NEMP2: variants seen among roughly 807,000 people sequenced by gnomAD.
The protein encoded by NEMP2 is nuclear envelope integral membrane protein 2.
A neutral mutation model predicts 54.2 loss-of-function variants in NEMP2; 53 were observed. The observed-to-expected ratio is 0.98, with a 90% confidence interval of 0.78 to 1.23. The LOEUF is 1.23. Ranked by LOEUF, NEMP2 falls within the 50% of genes most tolerant of loss-of-function variation. The pLI is 0.00. For missense variants in NEMP2, 455 were observed against 511.3 expected (o/e 0.89, Z 1.06); for synonymous variants, 197 against 190.3 (o/e 1.04, Z -0.29).
Position 190,528,252 on chromosome 2 carries a change from T to C in NEMP2, c.98-2874A>G, listed in dbSNP as rs560265770. ...AAGAAGAATGTCAAGGAATGTAGTA[T>C]ATAACCTGGAAGATCCTGAGCAACT... On this transcript the variant is annotated intron_variant, in intron 1 of 8. Transcript: ENST00000409150. The surrounding 1 kb of genome is among the most constrained non-coding windows in gnomAD (Gnocchi z 4.3). Among the ~76,000 whole-genome samples the C allele has an allele frequency of 9.2e-5, 14 of 152,260 alleles. No individual in the cohort carries two copies. In the South Asian group the frequency reaches 1.9e-3, roughly 20 times the overall value.
At position 190,517,518 on chromosome 2, in the gene NEMP2, A is replaced by G. The variant is rs1456499444; in HGVS notation, c.612+2T>C. ...TTACTCATTTTCACATAGTATGCCT[A>G]CCTTCGGAATGAATCTTTTCACCAA... On this transcript the variant is annotated splice_donor_variant, in intron 5 of 8. Transcript: ENST00000409150. LOFTEE classifies it high-confidence loss of function. 3.9e-6 allele frequency: 6 copies of G among 1,545,258 alleles called. No homozygotes were observed. Among genetic ancestry groups the G allele is most frequent in the South Asian group, 3.6e-5 (3 of 82,900 alleles).
rs969030577 is a variant in NEMP2 at position 190,509,725 on chromosome 2, G to A, written c.1131-413C>T. Among the ~76,000 whole-genome samples the A allele has an allele frequency of 2.6e-5, 4 of 152,218 alleles. No homozygotes were observed. The highest frequency in any genetic ancestry group is 4.4e-5 in the Non-Finnish European group (3 of 68,042). The stretch of plus-strand genomic sequence containing the variant: ...AATAAGGAAAAATTTTGGGACAGAC[G>A]TCTTTCTTAGTGAACTTTAAAAATG... On this transcript the variant is annotated intron_variant, in intron 8 of 8. Transcript: ENST00000409150. The surrounding 1 kb of genome is among the most constrained non-coding windows in gnomAD (Gnocchi z 6.1).
upstream of NEMP2, chr2:190,534,760 G>T: frequency 1.2e-6 from 1 of 859,444 alleles, no homozygotes; most frequent in Non-Finnish European, 1.5e-6. Flanking sequence ...GGGCGGTGAG[G>T]CCCGAACGCG....
the NEMP2 span, among the ~76,000 whole-genome samples, chr2:190,644,772 G>C: frequency 6.6e-6 from 1 of 152,126 alleles, no homozygotes; most frequent in Admixed American, 6.5e-5. The surrounding 1 kb of genome is among the most constrained non-coding windows in gnomAD (Gnocchi z 4.4). Flanking sequence ...GACGGAGAGA[G>C]GCAGAAAAGA....
chr2:190,548,190 T>C, the NEMP2 span, among the ~76,000 whole-genome samples: 1 of 152,230 alleles, frequency 6.6e-6, no homozygotes, highest in Non-Finnish European at 1.5e-5. Flanking sequence ...CATGTTCATA[T>C]ATCTTGGCAT....
chr2:190,610,330 T>C, the NEMP2 span: 1 of 152,230 alleles, frequency 6.6e-6, no homozygotes, highest in Non-Finnish European at 1.5e-5. The surrounding 1 kb of genome is among the most constrained non-coding windows in gnomAD (Gnocchi z 5.4). Context: ...TGAGACCTTT[T>C]TAAAGCCAAG....
the NEMP2 span, among the ~76,000 whole-genome samples, chr2:190,479,640 G>T: frequency 1.3e-5 from 2 of 152,170 alleles, no homozygotes; most frequent in Admixed American, 1.3e-4. Context: ...AGAGATGAGT[G>T]TTAGTGTTAG....
upstream of NEMP2, among the ~76,000 whole-genome samples, chr2:190,535,425 T>G (rs1454094260): frequency 6.6e-6 from 1 of 152,164 alleles, no homozygotes; most frequent in Non-Finnish European, 1.5e-5. Context: ...TATTTTTAAA[T>G]TAACATATAA....
chr2:190,530,824 T>A lies in NEMP2; in HGVS notation c.97+3735A>T, dbSNP rs959928450. Among the ~76,000 whole-genome samples, 1 of 152,190 alleles carries A rather than the reference T, an allele frequency of 6.6e-6. No homozygotes were observed. Among genetic ancestry groups the A allele is most frequent in the African/African-American group, 2.4e-5 (1 of 41,450 alleles). On this transcript the variant is annotated intron_variant, in intron 1 of 8. Coordinates refer to ENST00000409150, the MANE Select transcript of NEMP2 (RefSeq NM_001142645.2). The surrounding 1 kb of genome is among the most constrained non-coding windows in gnomAD (Gnocchi z 4.6). ...CCCAGTTATTGCTGGTTAATTCTAC[T>A]AGGATAGAACCTCCGGTAGCAGATG...
At chr2:190,592,783 C>A in the NEMP2 span, among the ~76,000 whole-genome samples, 4 of 152,076 alleles carry the variant, frequency 2.6e-5, no homozygotes, top group African/African-American at 9.7e-5. The surrounding 1 kb of genome is among the most constrained non-coding windows in gnomAD (Gnocchi z 4.4). Context: ...ACAGATGGAG[C>A]AATAAAGCCT....
chr2:190,470,322 G>A, the NEMP2 span, among the ~76,000 whole-genome samples: 1 of 152,122 alleles, frequency 6.6e-6, no homozygotes, highest in Non-Finnish European at 1.5e-5. Flanking sequence ...CCACACCGTT[G>A]TTTTTCCATG....
chr2:190,478,272 G>A, the NEMP2 span, among the ~76,000 whole-genome samples: 1 of 152,172 alleles, frequency 6.6e-6, no homozygotes, highest in Non-Finnish European at 1.5e-5. Context: ...CAGCCTCCTA[G>A]TGCAACAGAG....
At chr2:190,432,001 A>G in the NEMP2 span, among the ~76,000 whole-genome samples, 1 of 148,818 alleles carries the variant, frequency 6.7e-6, no homozygotes, top group South Asian at 2.1e-4. Flanking sequence ...TTGGCTTCTG[A>G]TTTCTCTGGA....
the NEMP2 span, among the ~76,000 whole-genome samples, chr2:190,560,974 T>C: frequency 1.3e-5 from 2 of 152,228 alleles, no homozygotes; most frequent in African/African-American, 4.8e-5. This position sits in a 1 kb window ranked among gnomAD's most constrained non-coding sequence, Gnocchi z 5.4. Flanking sequence ...CATTTATGTT[T>C]TGAGAAATAC....
the NEMP2 span, among the ~76,000 whole-genome samples, chr2:190,633,703 T>C: frequency 6.6e-6 from 1 of 152,194 alleles, no homozygotes; most frequent in Non-Finnish European, 1.5e-5. Context: ...AAAAAACACA[T>C]GTGTGTACCT....
chr2:190,605,357 T>A, the NEMP2 span, among the ~76,000 whole-genome samples: 10 of 150,612 alleles, frequency 6.6e-5, no homozygotes, highest in Admixed American at 5.3e-4. Context: ...TTAATTTTTT[T>A]AATTTTTATT....
At chr2:190,588,182 C>T in the NEMP2 span, among the ~76,000 whole-genome samples, 1 of 152,046 alleles carries the variant, frequency 6.6e-6, no homozygotes, top group African/African-American at 2.4e-5. This position sits in a 1 kb window ranked among gnomAD's most constrained non-coding sequence, Gnocchi z 5.0. Flanking sequence ...TGCAGTGGGA[C>T]CTGGTGGCTA....
At chr2:190,478,930 A>C in the NEMP2 span, among the ~76,000 whole-genome samples, 1 of 152,134 alleles carries the variant, frequency 6.6e-6, no homozygotes, top group East Asian at 1.9e-4. Context: ...TACTATCTAG[A>C]GGGTAGCTGA....
At chr2:190,623,619 A>C in the NEMP2 span, among the ~76,000 whole-genome samples, 4 of 152,244 alleles carry the variant, frequency 2.6e-5, no homozygotes, top group African/African-American at 7.2e-5. Context: ...CCAGATGCAG[A>C]AGAATGAAGC....
Sources: allele counts gnomAD v4.1 joint callset (sites outside exome capture counted in the v4.1 genomes callset), GRCh38; gene constraint gnomAD v4.1.1; non-coding constraint Gnocchi (gnomAD v3.1); transcripts MANE v1.5; gene names NCBI Gene and HGNC (gene_info 2026-07-23, HGNC 2026-07-21).